ELMO1: variants seen among roughly 807,000 people sequenced by gnomAD.
The protein encoded by ELMO1 is engulfment and cell motility 1, also known as engulfment and cell motility protein 1.
ELMO1 carries 26 observed loss-of-function variants against 98.9 expected under a neutral mutation model. The observed-to-expected ratio is 0.26, with a 90% CI of 0.19 to 0.36. The LOEUF (loss-of-function observed/expected upper bound fraction) is 0.36, where lower values mean the gene tolerates loss of function less well. Ranked by LOEUF, ELMO1 falls within the 10% of genes least tolerant of loss-of-function variation. The pLI is 1.00. For synonymous variants in ELMO1, 346 were observed against 346.0 expected, an observed-to-expected ratio of 1.00 and a Z score of 0.00; for missense variants, 627 against 935.2, an observed-to-expected ratio of 0.67 and a Z score of 4.30.
At chr7:37,192,596 C>T (rs942441316) in intron 13 of ELMO1, among the ~76,000 whole-genome samples, 2 of 150,470 alleles carry the variant, frequency 1.3e-5, no homozygotes, top group African/African-American at 2.4e-5. Context: ...GTCAGGAGTT[C>T]GAGCCAGCCT....
intron 1 of ELMO1, among the ~76,000 whole-genome samples, chr7:37,366,698 C>G (rs537369009): frequency 6.6e-6 from 1 of 152,326 alleles, no homozygotes; most frequent in East Asian, 1.9e-4. Flanking sequence ...GTAATCTCCC[C>G]CCTGTAGCAT....
chr7:37,432,792 C>T (rs892578342), intron 1 of ELMO1, among the ~76,000 whole-genome samples: 4 of 152,168 alleles, frequency 2.6e-5, no homozygotes, highest in Admixed American at 2.6e-4. Context: ...CTGGCTGAAC[C>T]GTGGATGAAG....
At chr7:37,108,591 C>G (rs1785065509) in intron 14 of ELMO1, among the ~76,000 whole-genome samples, 1 of 152,132 alleles carries the variant, frequency 6.6e-6, no homozygotes, top group African/African-American at 2.4e-5. Flanking sequence ...GTGAGATAAC[C>G]TTTTATCTGT....
intron 16 of ELMO1, among the ~76,000 whole-genome samples, chr7:36,916,285 T>C (rs1784685593): frequency 6.6e-6 from 1 of 152,186 alleles, no homozygotes; most frequent in Non-Finnish European, 1.5e-5. Context: ...TTAGGGATCA[T>C]CTAGGTCCAG....
intron 15 of ELMO1, among the ~76,000 whole-genome samples, chr7:37,036,771 ATCT>A (rs1795197156): frequency 6.6e-6 from 1 of 152,220 alleles, no homozygotes; most frequent in African/African-American, 2.4e-5. Context: ...CCGGAATTTC[ATCT>A]TCTTTTTAAA....
At chr7:37,092,363 A>ATTTTT (rs1784145396) in intron 15 of ELMO1, among the ~76,000 whole-genome samples, 1 of 65,416 alleles carries the variant, frequency 1.5e-5, no homozygotes, top group South Asian at 4.8e-4. Context: ...AATTACCCAT[A>ATTTTT]TTCTTTTTTT....
At chr7:36,957,975 T>C (rs1411357536) in intron 16 of ELMO1, among the ~76,000 whole-genome samples, 1 of 152,230 alleles carries the variant, frequency 6.6e-6, no homozygotes, top group Non-Finnish European at 1.5e-5. Flanking sequence ...CATTGCTTTC[T>C]TTAACTTACT....
chr7:37,096,245 T>A (rs1399276407), intron 15 of ELMO1, among the ~76,000 whole-genome samples: 1 of 152,096 alleles, frequency 6.6e-6, no homozygotes, highest in East Asian at 1.9e-4. Flanking sequence ...TAGAGAAAAA[T>A]TGCTTAGAAA....
At chr7:37,124,906 C>T (rs576772487) in intron 14 of ELMO1, among the ~76,000 whole-genome samples, 20 of 152,270 alleles carry the variant, frequency 1.3e-4, no homozygotes, top group African/African-American at 4.8e-4. Context: ...CTACAGTAAC[C>T]AAAACAGCAT....
chr7:37,304,064 A>G (rs1208773837), intron 4 of ELMO1, among the ~76,000 whole-genome samples: 2 of 152,174 alleles, frequency 1.3e-5, no homozygotes, highest in Non-Finnish European at 2.9e-5. Flanking sequence ...TGAAATAAGT[A>G]TATATGCTTC....
chr7:37,357,418 A>C lies in ELMO1; in HGVS notation c.-73-14655T>G, dbSNP rs1162491277. 2.0e-5 allele frequency among the ~76,000 whole-genome samples: 3 copies of C among 152,268 alleles called. No individual in the cohort carries two copies. In the South Asian group the frequency reaches 6.2e-4, roughly 32 times the overall value. ...AGCTTTGCTGGCGAGACCTCAGCCC[A>C]GCTGCCCCCCAGAAGCTGTGGTTTT... is the stretch of plus-strand genomic sequence containing the variant. On this transcript the variant is annotated intron_variant, in intron 1 of 21. Coordinates refer to ENST00000310758, the MANE Select transcript of ELMO1 (RefSeq NM_014800.11).
chr7:37,093,857 T>C (rs1401402276), intron 15 of ELMO1, among the ~76,000 whole-genome samples: 1 of 152,234 alleles, frequency 6.6e-6, no homozygotes, highest in Non-Finnish European at 1.5e-5. Context: ...TTGCAGATGA[T>C]GGCAAGCAAT....
At chr7:36,881,363 AT>A (rs1804440245) in intron 18 of ELMO1, among the ~76,000 whole-genome samples, 1 of 152,132 alleles carries the variant, frequency 6.6e-6, no homozygotes, top group Non-Finnish European at 1.5e-5. Context: ...CAGCAGCTTG[AT>A]TTGCAGTTTC....
At chr7:37,034,312 G>A (rs1277483350) in intron 15 of ELMO1, among the ~76,000 whole-genome samples, 1 of 152,118 alleles carries the variant, frequency 6.6e-6, no homozygotes, top group Non-Finnish European at 1.5e-5. Context: ...GAAGACACAC[G>A]AGAATATGGT....
intron 16 of ELMO1, among the ~76,000 whole-genome samples, chr7:36,952,462 C>T (rs1357733561): frequency 6.6e-6 from 1 of 152,138 alleles, no homozygotes; most frequent in Non-Finnish European, 1.5e-5. Flanking sequence ...GAATCTTATC[C>T]AGCTGTGCAG....
intron 4 of ELMO1, among the ~76,000 whole-genome samples, chr7:37,296,489 T>C (rs951046250): frequency 2.0e-5 from 3 of 152,214 alleles, no homozygotes; most frequent in South Asian, 2.1e-4. Flanking sequence ...AATCGACTGA[T>C]TGAAGACCTT....
intron 16 of ELMO1, among the ~76,000 whole-genome samples, chr7:36,920,956 T>TGGA (rs1490750825): frequency 1.3e-5 from 2 of 152,156 alleles, no homozygotes; most frequent in East Asian, 3.9e-4. Context: ...TATTAAGAGG[T>TGGA]GGAGCCTTTG....
chr7:37,304,986 G>A (rs868393888), intron 4 of ELMO1, among the ~76,000 whole-genome samples: 3 of 152,130 alleles, frequency 2.0e-5, no homozygotes, highest in African/African-American at 7.2e-5. Context: ...GCGTGTGGGG[G>A]GTAGGGGAGA....
chr7:36,867,535 C>G (rs1803127733), intron 20 of ELMO1, among the ~76,000 whole-genome samples: 1 of 151,852 alleles, frequency 6.6e-6, no homozygotes, highest in Admixed American at 6.6e-5. Context: ...TTTTATATTT[C>G]TTTTCTTCTG....
Sources: gnomAD v4.1 joint callset for allele counts (sites outside exome capture counted in the v4.1 genomes callset) on GRCh38, gnomAD v4.1.1 for gene constraint, MANE v1.5 for transcripts, NCBI Gene and HGNC (gene_info 2026-07-23, HGNC 2026-07-21) for gene names.